Variants in STIM1 observed in about 807,000 individuals in gnomAD.
STIM1 encodes the protein stromal interaction molecule 1.
In STIM1, 25 loss-of-function variants were observed where a neutral mutation model predicts 74.7. That is an observed-to-expected ratio of 0.33 (90% confidence interval 0.24 to 0.47). The LOEUF is 0.47. Among genes scored for constraint, STIM1 ranks in the 20% least tolerant of loss-of-function variants. The pLI, the probability that STIM1 is intolerant of heterozygous loss-of-function variation, is 1.00. For missense variants in STIM1, 728 were observed against 920.8 expected (o/e 0.79, Z 2.71); for synonymous variants, 328 against 348.8 (o/e 0.94, Z 0.66).
chr11:3,864,992 G>T lies in STIM1; in HGVS notation c.139+8583G>T, dbSNP rs992685493. On this transcript the variant is annotated intron_variant, in intron 1 of 12. Coordinates refer to ENST00000526596, the MANE Select transcript of STIM1 (RefSeq NM_001382567.1). ...AGAAACTAGCTTTTTATCCTAGGCT[G>T]CAGTCCTGCCTACCAACTTTTTTTG... 2.6e-5 allele frequency among the ~76,000 whole-genome samples: 4 copies of T among 152,180 alleles called. No individual in the cohort carries two copies. In the East Asian group the frequency reaches 7.7e-4, roughly 29 times the overall value.
intron 1 of STIM1, among the ~76,000 whole-genome samples, chr11:3,863,951 T>C (rs1366938016): frequency 6.6e-6 from 1 of 152,004 alleles, no homozygotes; most frequent in Non-Finnish European, 1.5e-5. Flanking sequence ...AAAAACATAG[T>C]GGGTATAGGT....
At chr11:3,953,780 C>CT (rs201952182) in intron 1 of STIM1, among the ~76,000 whole-genome samples, 1,921 of 131,090 alleles carry the variant, frequency 0.015, 81 homozygotes, top group South Asian at 0.028. Flanking sequence ...TGATCTTCTT[C>CT]TTTCTTTTTT....
intron 2 of STIM1, among the ~76,000 whole-genome samples, chr11:4,003,540 T>G (rs201946831): frequency 0.3 from 44,727 of 146,704 alleles, 5,770 homozygotes; most frequent in South Asian, 0.42. Context: ...ATTCAACAAC[T>G]CTTCATGCTA....
At chr11:3,884,636 G>T (rs1046119038) in intron 1 of STIM1, among the ~76,000 whole-genome samples, 1 of 152,134 alleles carries the variant, frequency 6.6e-6, no homozygotes, top group Non-Finnish European at 1.5e-5. Flanking sequence ...CTTTCTCTCA[G>T]TTCAGCCTTA....
intron 2 of STIM1, among the ~76,000 whole-genome samples, chr11:4,003,623 G>A (rs934927912): frequency 3.9e-5 from 6 of 152,082 alleles, no homozygotes; most frequent in African/African-American, 1.4e-4. Flanking sequence ...CAGACCCACA[G>A]CCAATATCAT....
chr11:3,887,829 G>A (rs570213322), intron 1 of STIM1, among the ~76,000 whole-genome samples: 11 of 152,038 alleles, frequency 7.2e-5, no homozygotes, highest in African/African-American at 2.2e-4. Context: ...TTAGCCGGAC[G>A]TGGTGGCATG....
intron 2 of STIM1, among the ~76,000 whole-genome samples, chr11:4,006,513 C>T (rs1309584419): frequency 6.6e-6 from 1 of 152,200 alleles, no homozygotes; most frequent in East Asian, 1.9e-4. Flanking sequence ...TTCCTGGGTT[C>T]AAGCGATTCT....
intron 1 of STIM1, among the ~76,000 whole-genome samples, chr11:3,867,632 C>A (rs570898945): frequency 2.6e-5 from 4 of 152,218 alleles, no homozygotes; most frequent in Non-Finnish European, 4.4e-5. Flanking sequence ...AGAACTCCAG[C>A]CTGAGCAGGC....
intron 1 of STIM1, chr11:3,892,658 G>T: frequency 6.2e-7 from 1 of 1,610,644 alleles, no homozygotes; most frequent in Non-Finnish European, 8.5e-7. Flanking sequence ...CCCGTAGATG[G>T]ACTTGCTGCT....
At chr11:3,937,095 AGC>A (rs2092941684) in intron 1 of STIM1, among the ~76,000 whole-genome samples, 1 of 152,022 alleles carries the variant, frequency 6.6e-6, no homozygotes, top group African/African-American at 2.4e-5. Flanking sequence ...GTTGAAGACC[AGC>A]CTGGGTGACA....
At chr11:3,979,442 T>C (rs369326897) in intron 2 of STIM1, among the ~76,000 whole-genome samples, 11 of 152,328 alleles carry the variant, frequency 7.2e-5, no homozygotes, top group Non-Finnish European at 1.6e-4. Context: ...TCTTTGTTTT[T>C]CATTGAAATA....
intron 1 of STIM1, chr11:3,867,275 A>G (rs528191449): frequency 3.3e-5 from 5 of 152,346 alleles, no homozygotes; most frequent in East Asian, 3.9e-4. Context: ...TGGTTTGGCT[A>G]TTGACTTTGG....
At chr11:3,895,707 TTTCTTTC>T (rs2092097477) in intron 1 of STIM1, among the ~76,000 whole-genome samples, 9 of 36,770 alleles carry the variant, frequency 2.4e-4, no homozygotes, top group Admixed American at 5.9e-4. Flanking sequence ...TCTTTCTTTC[TTTCTTTC>T]TTTCTTTCTT....
chr11:3,961,623 C>T (rs1299697645), intron 1 of STIM1: 1 of 148,352 alleles, frequency 6.7e-6, no homozygotes, highest in Admixed American at 6.6e-5. Context: ...ATTATCCTGC[C>T]TCAGTCTCCT....
intron 2 of STIM1, among the ~76,000 whole-genome samples, chr11:4,018,713 T>G (rs1590652835): frequency 6.6e-6 from 1 of 151,908 alleles, no homozygotes; most frequent in Non-Finnish European, 1.5e-5. Context: ...TTCTTTGAGT[T>G]CATCTCCTGC....
chr11:3,861,317 T>A (rs2090596773), intron 1 of STIM1, among the ~76,000 whole-genome samples: 1 of 151,210 alleles, frequency 6.6e-6, no homozygotes, highest in Admixed American at 6.6e-5. Flanking sequence ...CACTGCAAGC[T>A]CCACCTCCCA....
At chr11:3,964,446 C>T (rs2093320534) in intron 1 of STIM1, among the ~76,000 whole-genome samples, 2 of 152,178 alleles carry the variant, frequency 1.3e-5, no homozygotes. Flanking sequence ...TAATCCTTCT[C>T]TATGTCATCT....
chr11:3,957,813 A>G (rs1245584576), intron 1 of STIM1, among the ~76,000 whole-genome samples: 2 of 151,602 alleles, frequency 1.3e-5, no homozygotes, highest in African/African-American at 2.4e-5. Context: ...TGATCTTCCT[A>G]CCTTGGCCCC....
chr11:4,004,589 G>C (rs1156250742), intron 2 of STIM1, among the ~76,000 whole-genome samples: 15 of 151,318 alleles, frequency 9.9e-5, no homozygotes, highest in South Asian at 4.2e-4. Context: ...ATTAATTCAA[G>C]ATGGATTAAA....
Sources: allele counts gnomAD v4.1 joint callset (sites outside exome capture counted in the v4.1 genomes callset), GRCh38; gene constraint gnomAD v4.1.1; transcripts MANE v1.5; gene names NCBI Gene and HGNC (gene_info 2026-07-23, HGNC 2026-07-21).